The following TMEM135 variants were observed in gnomAD, a reference collection of about 807,000 sequenced individuals.
TMEM135 encodes transmembrane protein 135, also known as peroxisomal membrane protein 52.
A neutral mutation model predicts 60.3 loss-of-function variants in TMEM135; 30 were observed. That is an observed-to-expected ratio of 0.50 (90% CI 0.37 to 0.68). The LOEUF is 0.68. Among genes scored for constraint, TMEM135 ranks in the 30% least tolerant of loss-of-function variants. TMEM135 has a pLI of 0.00. For synonymous variants in TMEM135, 190 were observed against 186.7 expected (o/e 1.02, Z -0.14); for missense variants, 468 against 548.8 (o/e 0.85, Z 1.47).
chr11:87,216,622 A>G (rs1307663192), intron 5 of TMEM135, among the ~76,000 whole-genome samples: 2 of 152,194 alleles, frequency 1.3e-5, no homozygotes, highest in Non-Finnish European at 2.9e-5. Context: ...TTGAGCAAAG[A>G]GTTTCTTTGC....
intron 5 of TMEM135, among the ~76,000 whole-genome samples, chr11:87,205,367 T>A (rs493611): frequency 6.6e-6 from 1 of 152,058 alleles, no homozygotes; most frequent in African/African-American, 2.4e-5. Flanking sequence ...AAGCATGATG[T>A]GGTGAAAACA....
chr11:87,217,940 G>A (rs1940537293), intron 5 of TMEM135, among the ~76,000 whole-genome samples: 1 of 152,176 alleles, frequency 6.6e-6, no homozygotes, highest in Non-Finnish European at 1.5e-5. Flanking sequence ...GGATTAGATA[G>A]TTCTCAGGCC....
At chr11:87,168,965 T>G (rs1213627831) in intron 5 of TMEM135, among the ~76,000 whole-genome samples, 4 of 152,136 alleles carry the variant, frequency 2.6e-5, no homozygotes, top group Non-Finnish European at 5.9e-5. Flanking sequence ...AAGGACTTGC[T>G]TTATGAATCT....
In TMEM135 at chr11:87,062,444, C is replaced by T. The variant is rs1329190996; in HGVS notation, c.142-5250C>T. On this transcript the variant is annotated intron_variant, in intron 1 of 14. Coordinates refer to ENST00000305494, the MANE Select transcript of TMEM135 (RefSeq NM_022918.4). ...CCCCCCCCCCCCCCGCATAGATGTC[C>T]AATTCTTCTAATATCATTTATTTAT... 5.9e-5 allele frequency among the ~76,000 whole-genome samples: 7 copies of T among 118,122 alleles called. 1 individual carries two copies. Among genetic ancestry groups the T allele is most frequent in the Non-Finnish European group, 1.0e-4 (6 of 59,500 alleles). The allele number at this position is 118,122 out of a possible 152,430, so 77.5% of individuals were successfully genotyped here.
At chr11:87,055,079 G>A (rs2124577) in intron 1 of TMEM135, among the ~76,000 whole-genome samples, 102,377 of 152,026 alleles carry the variant, frequency 0.67, 35,879 homozygotes, top group East Asian at 0.88. Context: ...ATTATCTGTG[G>A]TAAGTGCTAT....
chr11:87,094,675 T>A lies in TMEM135; in HGVS notation c.396+3280T>A, dbSNP rs1384403944. ...GGGTAACATAATGAGACCCCGTATC[T>A]TTTTGCAGTGAAGTCTGACTTGATT... On this transcript the variant is annotated intron_variant, in intron 4 of 14. Transcript: ENST00000305494. The A allele has an allele frequency of 1.7e-5, 3 of 177,218 alleles. No homozygotes were observed. The East Asian group carries it at 4.7e-4, about 28-fold the overall frequency. The allele number at this position is 177,218 out of a possible 1,614,324, so 11.0% of individuals were successfully genotyped here. A position where few individuals can be genotyped will look rare whatever the true frequency, so the allele number is the denominator to read the frequency against.
intron 5 of TMEM135, among the ~76,000 whole-genome samples, chr11:87,188,126 C>G (rs1221058534): frequency 6.6e-6 from 1 of 152,050 alleles, no homozygotes; most frequent in East Asian, 1.9e-4. Flanking sequence ...TTCAGCAGAT[C>G]GCTATGTGGT....
intron 2 of TMEM135, among the ~76,000 whole-genome samples, chr11:87,068,129 C>A (rs766286697): frequency 1.3e-5 from 2 of 152,190 alleles, no homozygotes; most frequent in Non-Finnish European, 2.9e-5. Flanking sequence ...TTTTCAGTTT[C>A]ATAGATCAGG....
chr11:87,088,505 T>C (rs1327734370), intron 3 of TMEM135, among the ~76,000 whole-genome samples: 1 of 152,194 alleles, frequency 6.6e-6, no homozygotes, highest in African/African-American at 2.4e-5. Flanking sequence ...TGTTGAAAAC[T>C]GTAGATAGCT....
chr11:87,205,647 A>G (rs2135336587), intron 5 of TMEM135, among the ~76,000 whole-genome samples: 1 of 152,342 alleles, frequency 6.6e-6, no homozygotes, highest in Non-Finnish European at 1.5e-5. Context: ...GCTTTTAAAA[A>G]TTATTAATTA....
chr11:87,065,240 G>A (rs1457954428), intron 1 of TMEM135, among the ~76,000 whole-genome samples: 1 of 152,166 alleles, frequency 6.6e-6, no homozygotes, highest in Non-Finnish European at 1.5e-5. Context: ...AATAATAGTT[G>A]ATTGTTTAAT....
At position 87,251,561 on chromosome 11, in the gene TMEM135, G is replaced by A. The variant is rs1014850220; in HGVS notation, c.509+14877G>A. ...ACATTGTCTTTCAAATGTTTTTGAT[G>A]TGACAACCCAAAATAAGAACGATAT... On this transcript the variant is annotated intron_variant, in intron 6 of 14. Coordinates refer to ENST00000305494, the MANE Select transcript of TMEM135 (RefSeq NM_022918.4). Among the ~76,000 whole-genome samples the A allele has an allele frequency of 4.0e-5, 6 of 151,672 alleles. 1 individual carries two copies. Among genetic ancestry groups the A allele is most frequent in the Admixed American group, 1.3e-4 (2 of 15,210 alleles).
rs151199168 is a variant in TMEM135, at chr11:87,188,660, C to T, written c.462+31254C>T. ...TGGAGGTTGCAGTGGGCCAGGATCG[C>T]GCCATTGCACTCCAGCCTGGGTGAC... On this transcript the variant is annotated intron_variant, in intron 5 of 14. Transcript: ENST00000305494. 4.4e-3 allele frequency among the ~76,000 whole-genome samples: 662 copies of T among 150,810 alleles called. 19 individuals carry two copies. Among genetic ancestry groups the T allele is most frequent in the Non-Finnish European group, 8.2e-4 (56 of 67,882 alleles).
chr11:87,164,000 C>T (rs1232936828), intron 5 of TMEM135, among the ~76,000 whole-genome samples: 3 of 147,286 alleles, frequency 2.0e-5, no homozygotes, highest in Non-Finnish European at 4.5e-5. Flanking sequence ...CCTGTTCACT[C>T]TGATGGTAGT....
At chr11:87,150,795 T>C (rs910561127) in intron 4 of TMEM135, among the ~76,000 whole-genome samples, 1 of 152,178 alleles carries the variant, frequency 6.6e-6, no homozygotes, top group Non-Finnish European at 1.5e-5. Flanking sequence ...CTTGTTCCGG[T>C]CTTGTCTGAC....
At chr11:87,161,053 C>T (rs1407139734) in intron 5 of TMEM135, among the ~76,000 whole-genome samples, 1 of 152,132 alleles carries the variant, frequency 6.6e-6, no homozygotes, top group African/African-American at 2.4e-5. Flanking sequence ...GCATCCACTA[C>T]CACACCTGAC....
chr11:87,054,303 C>T (rs1365429756), intron 1 of TMEM135, among the ~76,000 whole-genome samples: 1 of 152,082 alleles, frequency 6.6e-6, no homozygotes, highest in Admixed American at 6.6e-5. Flanking sequence ...GGCATGGTGG[C>T]GTGTGCCTGT....
At chr11:87,276,265 A>G (rs1941964251) in intron 6 of TMEM135, among the ~76,000 whole-genome samples, 1 of 152,124 alleles carries the variant, frequency 6.6e-6, no homozygotes, top group African/African-American at 2.4e-5. Context: ...AGACTGTATA[A>G]TATTCTTTAG....
chr11:87,058,266 C>A lies in TMEM135; in HGVS notation c.142-9428C>A, dbSNP rs144448920. Among the ~76,000 whole-genome samples the A allele has an allele frequency of 3.3e-3, 499 of 152,248 alleles. 3 individuals carry two copies. Among genetic ancestry groups the A allele is most frequent in the African/African-American group, 0.012 (479 of 41,558 alleles). Reference sequence around the variant, plus strand: ...ATTCCTTGGCCCAGTTAGATTGATACATAAAATTAAACATGGTATACAGAA... The same window carrying A: ...ATTCCTTGGCCCAGTTAGATTGATAAATAAAATTAAACATGGTATACAGAA... On this transcript the variant is annotated intron_variant, in intron 1 of 14. Transcript: ENST00000305494.
Sources: gnomAD v4.1 joint callset for allele counts (sites outside exome capture counted in the v4.1 genomes callset) on GRCh38, gnomAD v4.1.1 for gene constraint, MANE v1.5 for transcripts, NCBI Gene and HGNC (gene_info 2026-07-23, HGNC 2026-07-21) for gene names.